CPEB3: variants seen among roughly 807,000 people sequenced by gnomAD.
CPEB3 encodes the protein cytoplasmic polyadenylation element-binding protein 3.
A neutral mutation model predicts 67.2 loss-of-function variants in CPEB3; 20 were observed. That is an observed-to-expected ratio of 0.30 (90% confidence interval 0.21 to 0.43). The LOEUF is 0.43. Among genes scored for constraint, CPEB3 ranks in the 20% least tolerant of loss-of-function variants. The pLI is 1.00. For synonymous variants in CPEB3, 376 were observed against 393.1 expected, an observed-to-expected ratio of 0.96 and a Z score of 0.51; for missense variants, 746 against 968.6, an observed-to-expected ratio of 0.77 and a Z score of 3.05.
chr10:92,183,356 T>C (rs1848547940), intron 3 of CPEB3, among the ~76,000 whole-genome samples: 1 of 152,084 alleles, frequency 6.6e-6, no homozygotes, highest in Non-Finnish European at 1.5e-5. Context: ...TCCCTGAAAA[T>C]TATAGTTGGC....
At chr10:92,211,580 A>G (rs1850086374) in intron 2 of CPEB3, among the ~76,000 whole-genome samples, 1 of 148,828 alleles carries the variant, frequency 6.7e-6, no homozygotes, top group South Asian at 2.1e-4. Context: ...TCTGTTGCCC[A>G]GGCTGGCGTG....
At chr10:92,262,646 A>C (rs1852855021) in intron 1 of CPEB3, among the ~76,000 whole-genome samples, 1 of 152,170 alleles carries the variant, frequency 6.6e-6, no homozygotes, top group Non-Finnish European at 1.5e-5. Context: ...CAGGAGTTCA[A>C]GACCAGCCTG....
chr10:92,285,258 T>C (rs542303786), intron 1 of CPEB3, among the ~76,000 whole-genome samples: 4 of 152,276 alleles, frequency 2.6e-5, no homozygotes, highest in Admixed American at 1.3e-4. Context: ...TTAAAGTTTC[T>C]TTCTTTCTTT....
chr10:92,071,073 A>T (rs914321997), intron 9 of CPEB3, among the ~76,000 whole-genome samples: 8 of 14,088 alleles, frequency 5.7e-4, no homozygotes, highest in African/African-American at 1.7e-3. Context: ...TTTCATTTAC[A>T]CACACACACA....
At chr10:92,074,142 C>T (rs552356149) in intron 9 of CPEB3, among the ~76,000 whole-genome samples, 15 of 150,590 alleles carry the variant, frequency 1.0e-4, no homozygotes, top group Admixed American at 2.0e-4. Flanking sequence ...AATGAGATCT[C>T]GCTACATTGC....
At chr10:92,207,884 CA>C (rs1160780469) in intron 2 of CPEB3, among the ~76,000 whole-genome samples, 2 of 152,060 alleles carry the variant, frequency 1.3e-5, no homozygotes. Context: ...CAAACAACAA[CA>C]AAAAAACATG....
chr10:92,240,196 G>A lies in CPEB3; in HGVS notation c.155C>T (p.Ala52Val), dbSNP rs1362235512. 2.6e-6 allele frequency: 4 copies of A among 1,519,668 alleles called. No individual in the cohort carries two copies. The highest frequency in any genetic ancestry group is 1.7e-4 in the Middle Eastern group (1 of 5,796). The allele number at this position is 1,519,668 out of a possible 1,614,324, so 94.1% of individuals were successfully genotyped here. ...SETPKPEENSAVPALSPAAAP... is the reference protein window; with the variant it reads ...SETPKPEENSVVPALSPAAAP... ...AGCGGCTGGGCTGAGGGCCGGCACTGCGCTGTTTTCCTCCGGCTTGGGGGT... is the reference window on the plus strand; with the variant it reads ...AGCGGCTGGGCTGAGGGCCGGCACTACGCTGTTTTCCTCCGGCTTGGGGGT... Residue 52 changes from alanine to valine, a missense_variant, in exon 2 of 10, where the codon GCA becomes GTA. By Grantham distance (64) the Ala-to-Val change is moderately conservative (BLOSUM62 0). Transcript: ENST00000265997.
At chr10:92,177,479 A>C (rs1411039878) in intron 4 of CPEB3, among the ~76,000 whole-genome samples, 1 of 152,220 alleles carries the variant, frequency 6.6e-6, no homozygotes, top group South Asian at 2.1e-4. Context: ...GGGTTCCTCC[A>C]TAAAGGCTGG....
intron 7 of CPEB3, among the ~76,000 whole-genome samples, chr10:92,109,355 C>T (rs1421440039): frequency 1.3e-5 from 2 of 151,790 alleles, no homozygotes; most frequent in Non-Finnish European, 1.5e-5. Context: ...TGGGTTCAAG[C>T]GATTCTACTG....
In CPEB3 at chr10:92,207,044, G is replaced by A. The variant is rs531692049; in HGVS notation, c.1006-14408C>T. Among the ~76,000 whole-genome samples the A allele has an allele frequency of 2.0e-5, 3 of 152,084 alleles. No individual in the cohort carries two copies. The East Asian group carries it at 5.8e-4, about 29-fold the overall frequency. On this transcript the variant is annotated intron_variant, in intron 2 of 9. Coordinates refer to ENST00000265997, the MANE Select transcript of CPEB3 (RefSeq NM_014912.5). ...TCTGTCACCCAGGCTGGAGTACAGT[G>A]GCACGATCTTGGCTAATAGTCTGGA...
intron 6 of CPEB3, among the ~76,000 whole-genome samples, chr10:92,121,410 C>T (rs796302775): frequency 2.1e-4 from 31 of 146,528 alleles, no homozygotes; most frequent in African/African-American, 4.0e-4. Flanking sequence ...AGAGAGACAG[C>T]GCGTGAGCGA....
At chr10:92,226,720 T>C (rs1399121261) in intron 2 of CPEB3, among the ~76,000 whole-genome samples, 1 of 151,778 alleles carries the variant, frequency 6.6e-6, no homozygotes, top group Non-Finnish European at 1.5e-5. Context: ...TTAGGGAAGA[T>C]GTGGGGAAAG....
intron 4 of CPEB3, among the ~76,000 whole-genome samples, chr10:92,166,819 G>T (rs575484548): frequency 6.6e-6 from 1 of 152,292 alleles, no homozygotes; most frequent in East Asian, 1.9e-4. Context: ...GCCAGGCACT[G>T]ACTTCTCCTC....
intron 8 of CPEB3, among the ~76,000 whole-genome samples, chr10:92,087,594 T>C (rs899521397): frequency 6.6e-6 from 1 of 152,180 alleles, no homozygotes; most frequent in African/African-American, 2.4e-5. Context: ...TCCCATCAGA[T>C]GCCAAAACCA....
intron 1 of CPEB3, among the ~76,000 whole-genome samples, chr10:92,273,844 G>C (rs1252674868): frequency 6.6e-6 from 1 of 152,084 alleles, no homozygotes; most frequent in Non-Finnish European, 1.5e-5. Flanking sequence ...ACTTTTCCTT[G>C]CTCTTTTACA....
At chr10:92,099,284 A>G (rs1285506952) in intron 7 of CPEB3, among the ~76,000 whole-genome samples, 1 of 147,870 alleles carries the variant, frequency 6.8e-6, no homozygotes, top group Non-Finnish European at 1.5e-5. Flanking sequence ...ACAGTAGTAC[A>G]TGGAGTACAG....
intron 8 of CPEB3, among the ~76,000 whole-genome samples, chr10:92,085,951 C>T (rs1243059910): frequency 6.6e-6 from 1 of 152,056 alleles, no homozygotes; most frequent in Non-Finnish European, 1.5e-5. Context: ...GTCTTTAGTT[C>T]ACCAGAGAGG....
At chr10:92,274,656 C>T (rs1186005054) in intron 1 of CPEB3, among the ~76,000 whole-genome samples, 1 of 152,088 alleles carries the variant, frequency 6.6e-6, no homozygotes, top group Non-Finnish European at 1.5e-5. Flanking sequence ...GCCTCTCCAA[C>T]ATGGTGAAAC....
At position 92,239,964 on chromosome 10, in the gene CPEB3, T is replaced by C; in HGVS notation, c.387A>G (p.Pro129=). 1.2e-6 allele frequency: 2 copies of C among 1,613,288 alleles called. No homozygotes were observed. Among genetic ancestry groups the C allele is most frequent in the Non-Finnish European group, 1.7e-6 (2 of 1,179,644 alleles). Residue 129 remains proline (P), a synonymous_variant, in exon 2 of 10, where the codon CCA becomes CCG. Coordinates refer to ENST00000265997, the MANE Select transcript of CPEB3 (RefSeq NM_014912.5). This position sits in a 1 kb window ranked among gnomAD's most constrained non-coding sequence, Gnocchi z 6.0. ...TCTGGAAGAGCATGGTCCCGTTGAC[T>C]GGGGTGATCCCCTGGAAGAAGCTGT... ...VEDSFFQGIT[P]VNGTMLFQNF...
Sources: allele counts gnomAD v4.1 joint callset (sites outside exome capture counted in the v4.1 genomes callset), GRCh38; gene constraint gnomAD v4.1.1; non-coding constraint Gnocchi (gnomAD v3.1); transcripts MANE v1.5; gene names NCBI Gene and HGNC (gene_info 2026-07-23, HGNC 2026-07-21).